LOC400499: variants seen among roughly 807,000 people sequenced by gnomAD.
the LOC400499 span, among the ~76,000 whole-genome samples, chr16:11,466,411 G>A: frequency 1.3e-5 from 2 of 150,760 alleles, no homozygotes; most frequent in Non-Finnish European, 3.0e-5. Flanking sequence ...TTTTTGAGAT[G>A]GAGTCTCGCT....
the LOC400499 span, among the ~76,000 whole-genome samples, chr16:11,463,644 G>A: frequency 6.6e-6 from 1 of 152,244 alleles, no homozygotes; most frequent in East Asian, 1.9e-4. Context: ...GTCTACACGT[G>A]GATTGTGTGA....
the LOC400499 span, among the ~76,000 whole-genome samples, chr16:11,410,403 G>A: frequency 1.3e-5 from 2 of 152,184 alleles, no homozygotes; most frequent in African/African-American, 4.8e-5. Context: ...GCAGTGAGCC[G>A]AAATTGTGCC....
At chr16:11,456,328 G>A in the LOC400499 span, among the ~76,000 whole-genome samples, 6 of 152,168 alleles carry the variant, frequency 3.9e-5, no homozygotes, top group Middle Eastern at 3.2e-3. Flanking sequence ...GATTACAGGC[G>A]TGAGCCACCA....
chr16:11,474,090 C>T, the LOC400499 span, among the ~76,000 whole-genome samples: 4 of 152,228 alleles, frequency 2.6e-5, no homozygotes, highest in African/African-American at 9.6e-5. Flanking sequence ...AACTCCTGGA[C>T]TCAAGGAATC....
the LOC400499 span, among the ~76,000 whole-genome samples, chr16:11,413,134 T>C: frequency 6.6e-6 from 1 of 152,058 alleles, no homozygotes; most frequent in South Asian, 2.1e-4. Context: ...TCAGCCCCTA[T>C]TGCAGCTCAG....
chr16:11,418,673 C>A, the LOC400499 span, among the ~76,000 whole-genome samples: 1 of 152,228 alleles, frequency 6.6e-6, no homozygotes, highest in South Asian at 2.1e-4. Flanking sequence ...GATCGAGACC[C>A]CATTCCGGTA....
the LOC400499 span, among the ~76,000 whole-genome samples, chr16:11,482,586 T>A: frequency 6.6e-6 from 1 of 152,166 alleles, no homozygotes; most frequent in Admixed American, 6.5e-5. Flanking sequence ...CTGAGTTACA[T>A]ATCTGATGAA....
At chr16:11,379,418 A>G in the LOC400499 span, among the ~76,000 whole-genome samples, 1 of 152,322 alleles carries the variant, frequency 6.6e-6, no homozygotes, top group African/African-American at 2.4e-5. Context: ...ATTATCTCTT[A>G]TAACAGCTTT....
At chr16:11,446,947 A>G in the LOC400499 span, 2 of 1,514,332 alleles carry the variant, frequency 1.3e-6, no homozygotes, top group Non-Finnish European at 1.8e-6. Context: ...AAAGCCATTA[A>G]AGCAGCTGGC....
chr16:11,517,140 C>T, the LOC400499 span, among the ~76,000 whole-genome samples: 1 of 152,134 alleles, frequency 6.6e-6, no homozygotes, highest in South Asian at 2.1e-4. Context: ...TGCAAGTCGA[C>T]ACCACACCCA....
chr16:11,484,941 G>C, the LOC400499 span: 1 of 399,542 alleles, frequency 2.5e-6, no homozygotes, highest in East Asian at 3.6e-5. Flanking sequence ...CTGGCTGGCT[G>C]TGGTGCAGGC....
the LOC400499 span, among the ~76,000 whole-genome samples, chr16:11,507,149 G>A: frequency 6.6e-6 from 1 of 152,150 alleles, no homozygotes; most frequent in African/African-American, 2.4e-5. Flanking sequence ...TCCTCTTGGG[G>A]CCAAAGAATG....
At chr16:11,382,407 G>A in the LOC400499 span, among the ~76,000 whole-genome samples, 2 of 133,544 alleles carry the variant, frequency 1.5e-5, no homozygotes, top group South Asian at 2.4e-4. Context: ...TGACTTCTAT[G>A]CCCATTTAGT....
At chr16:11,440,550 C>T in the LOC400499 span, among the ~76,000 whole-genome samples, 1 of 152,216 alleles carries the variant, frequency 6.6e-6, no homozygotes, top group Non-Finnish European at 1.5e-5. Context: ...TTTACAACAA[C>T]AGTCAATGCA....
the LOC400499 span, among the ~76,000 whole-genome samples, chr16:11,413,106 G>T: frequency 3.3e-5 from 5 of 152,206 alleles, no homozygotes; most frequent in Non-Finnish European, 7.3e-5. Flanking sequence ...CACAGGTGCT[G>T]AGGATACAGG....
At chr16:11,477,654 A>C in the LOC400499 span, among the ~76,000 whole-genome samples, 4 of 152,162 alleles carry the variant, frequency 2.6e-5, no homozygotes, top group Non-Finnish European at 5.9e-5. Context: ...TCCCACCTGT[A>C]AAGTGGATCT....
chr16:11,501,932 G>A, the LOC400499 span: 1 of 393,198 alleles, frequency 2.5e-6, no homozygotes, highest in Non-Finnish European at 4.5e-6. Flanking sequence ...TTCTCAGACT[G>A]AAGGACAAGT....
At chr16:11,405,020 A>G in the LOC400499 span, among the ~76,000 whole-genome samples, 1 of 152,242 alleles carries the variant, frequency 6.6e-6, no homozygotes, top group Non-Finnish European at 1.5e-5. Flanking sequence ...CAAAAACCCA[A>G]ATGCTTCCTA....
the LOC400499 span, chr16:11,390,183 G>C: frequency 1.6e-6 from 2 of 1,232,536 alleles, no homozygotes; most frequent in African/African-American, 3.1e-5. Flanking sequence ...CTCAGCCCAA[G>C]ACAGCATCTG....
Sources: allele counts gnomAD v4.1 joint callset (sites outside exome capture counted in the v4.1 genomes callset), GRCh38; gene constraint gnomAD v4.1.1; transcripts MANE v1.5.